Variants in CHAF1B observed in about 807,000 individuals in gnomAD.
CHAF1B encodes the protein CAF-1 subunit B.
A neutral mutation model predicts 60.7 loss-of-function variants in CHAF1B; 10 were observed. The observed-to-expected ratio is 0.16, with a 90% CI of 0.10 to 0.28. The LOEUF (loss-of-function observed/expected upper bound fraction) is 0.28, where lower values mean the gene tolerates loss of function less well. CHAF1B is among the 10% of genes least tolerant of loss of function. CHAF1B has a pLI of 1.00. For synonymous variants in CHAF1B, 261 were observed against 266.1 expected (o/e 0.98, Z 0.19); for missense variants, 558 against 708.4 (o/e 0.79, Z 2.41).
Position 36,416,613 on chromosome 21 carries a change from A to T in CHAF1B, c.*247A>T. 1 of 371,850 alleles carries T rather than the reference A, an allele frequency of 2.7e-6. No individual in the cohort carries two copies. Among genetic ancestry groups the T allele is most frequent in the Non-Finnish European group, 4.9e-6 (1 of 203,226 alleles). 23.0% of individuals were successfully genotyped at this position (371,850 alleles called of 1,614,324 possible). ...AATCCTCTTTTTGATGAGTTTCTGA[A>T]ACTGGAGCGGTTCAACGTTATCCAG... On this transcript the variant is annotated 3_prime_UTR_variant, in exon 14 of 14. Coordinates refer to ENST00000314103, the MANE Select transcript of CHAF1B (RefSeq NM_005441.3).
chr21:36,392,361 C>A (rs1333790315), intron 4 of CHAF1B, among the ~76,000 whole-genome samples: 2 of 152,266 alleles, frequency 1.3e-5, no homozygotes, highest in Non-Finnish European at 2.9e-5. Flanking sequence ...ATTTCTCTAT[C>A]TTTTCCCCAC....
At chr21:36,393,870 A>G (rs2146363387) in intron 4 of CHAF1B, among the ~76,000 whole-genome samples, 1 of 151,906 alleles carries the variant, frequency 6.6e-6, no homozygotes, top group East Asian at 1.9e-4. Flanking sequence ...ATTTTTGATA[A>G]CTTGTCCGTT....
intron 8 of CHAF1B, 119 bp from the exon 9 acceptor site, chr21:36,408,642 T>G: frequency 1.5e-6 from 1 of 676,648 alleles, no homozygotes; most frequent in East Asian, 2.7e-5. Flanking sequence ...GTCCAGAGAA[T>G]ATAACTGCAG....
At chr21:36,388,476 T>G (rs900318318) in intron 3 of CHAF1B, among the ~76,000 whole-genome samples, 184 of 150,606 alleles carry the variant, frequency 1.2e-3, no homozygotes, top group African/African-American at 4.3e-3. Flanking sequence ...GAGTTTTTTT[T>G]TTTTTTTTTT....
intron 8 of CHAF1B, among the ~76,000 whole-genome samples, chr21:36,407,741 G>A (rs1002334678): frequency 9.1e-4 from 138 of 152,240 alleles, no homozygotes; most frequent in African/African-American, 3.2e-3. Flanking sequence ...ACTTTGGGAG[G>A]CGGAGGAGGG....
intron 11 of CHAF1B, among the ~76,000 whole-genome samples, chr21:36,412,248 G>A (rs996651133): frequency 1.3e-5 from 2 of 152,166 alleles, no homozygotes; most frequent in East Asian, 3.9e-4. Context: ...GCATGCCCCT[G>A]CTGCCCAGGA....
At position 36,394,657 on chromosome 21, in the gene CHAF1B, GATAT is replaced by G; in HGVS notation, c.481+10_481+13del. 3 of 1,574,388 alleles carry G rather than the reference GATAT, an allele frequency of 1.9e-6. No homozygotes were observed. The highest frequency in any genetic ancestry group is 2.6e-6 in the Non-Finnish European group (3 of 1,151,966). On this transcript the variant is annotated splice_region_variant and intron_variant, in intron 5 of 13. Transcript: ENST00000314103. ...ATATGGGATGTCAGCAAAGGTAAAT[GATAT>G]ATTTTTGTTATTAGCAGGAAGAAAT... is the stretch of plus-strand genomic sequence containing the variant.
Position 36,386,246 on chromosome 21 carries a change from T to G in CHAF1B, c.110T>G (p.Val37Gly). ...GRIHRLASAG[V>G]DTNVRIWKVE... ...ATCCACAGACTGGCGTCTGCCGGCG[T>G]GGACACCAATGTCAGGGTAAACTGG... Residue 37 changes from valine to glycine, a missense_variant, in exon 2 of 14, where the codon GTG becomes GGG. By Grantham distance (109) the Val-to-Gly change is moderately radical. Around this residue, in one of 2 missense-constraint regions of CHAF1B, gnomAD observed 325 missense variants for 493.5 expected, o/e 0.66. Coordinates refer to ENST00000314103, the MANE Select transcript of CHAF1B (RefSeq NM_005441.3). The G allele has an allele frequency of 6.2e-7, 1 of 1,614,146 alleles. No homozygotes were observed. The highest frequency in any genetic ancestry group is 8.5e-7 in the Non-Finnish European group (1 of 1,179,990).
intron 8 of CHAF1B, among the ~76,000 whole-genome samples, chr21:36,406,347 G>A (rs1333028258): frequency 1.3e-5 from 2 of 152,158 alleles, no homozygotes; most frequent in African/African-American, 2.4e-5. Context: ...GAGCATTGGC[G>A]TGATCTTGGC....
At position 36,411,622 on chromosome 21, in the gene CHAF1B, A is replaced by G; in HGVS notation, c.1061+18A>G. On this transcript the variant is annotated intron_variant, in intron 11 of 13. Transcript: ENST00000314103. ...ATTTCATGGTGAGTGGCTGCTAATG[A>G]GGGAGAGTGAGTGAAGGAGACCGTG... The G allele has an allele frequency of 6.2e-7, 1 of 1,613,498 alleles. No homozygotes were observed. The highest frequency in any genetic ancestry group is 8.5e-7 in the Non-Finnish European group (1 of 1,179,612).
rs1427615624 is a variant in CHAF1B at position 36,408,776 on chromosome 21, C to G, written c.773C>G (p.Ser258Cys). Residue 258 changes from serine to cysteine, a missense_variant, in exon 9 of 14, where the codon TCT (serine) becomes TGT (cysteine). Transcript: ENST00000314103. ...TGTTCCCCAGCTGGATGTGTGGAAT[C>G]TGGTGAAAATGTAATGAATACCACT... The part of the protein sequence containing the change: ...LLLTPAGCVE[S>C]GENVMNTTYV... The G allele has an allele frequency of 6.2e-7, 1 of 1,609,198 alleles. No individual in the cohort carries two copies. Among genetic ancestry groups the G allele is most frequent in the South Asian group, 1.1e-5 (1 of 90,906 alleles).
At chr21:36,393,253 G>A (rs117773599) in intron 4 of CHAF1B, among the ~76,000 whole-genome samples, 1,665 of 151,424 alleles carry the variant, frequency 0.011, 13 homozygotes, top group Non-Finnish European at 0.018. Flanking sequence ...GAGAGGGAGA[G>A]GATTTTTAAA....
chr21:36,412,851 G>T, intron 11 of CHAF1B, 33 bp from the exon 12 acceptor site: 2 of 1,589,220 alleles, frequency 1.3e-6, no homozygotes, highest in South Asian at 2.3e-5. Context: ...GTGTTGGTAA[G>T]GTCTGTAACT....
intron 3 of CHAF1B, 40 bp downstream of exon 3, chr21:36,387,770 A>C (rs370357354): frequency 1.2e-6 from 2 of 1,603,488 alleles, no homozygotes; most frequent in Admixed American, 1.7e-5. Flanking sequence ...CGGGAACCAG[A>C]TAGATACCTG....
chr21:36,414,830 C>T (rs748529965), intron 12 of CHAF1B, among the ~76,000 whole-genome samples: 5 of 152,142 alleles, frequency 3.3e-5, no homozygotes, highest in Non-Finnish European at 5.9e-5. Flanking sequence ...TCAAGCTGGT[C>T]GAAAACTCCT....
At chr21:36,401,431 T>A (rs1311763445) in intron 7 of CHAF1B, among the ~76,000 whole-genome samples, 3 of 92,174 alleles carry the variant, frequency 3.3e-5, no homozygotes, top group African/African-American at 1.4e-4. Context: ...TAATATATAT[T>A]TTTATATTAT....
At chr21:36,393,626 G>C (rs560681279) in intron 4 of CHAF1B, among the ~76,000 whole-genome samples, 114 of 151,442 alleles carry the variant, frequency 7.5e-4, no homozygotes, top group Non-Finnish European at 1.3e-3. Context: ...TAATTTTTTT[G>C]TATTTTTAGT....
At chr21:36,411,218 AT>A (rs1452145177) in intron 10 of CHAF1B, among the ~76,000 whole-genome samples, 1 of 150,576 alleles carries the variant, frequency 6.6e-6, no homozygotes, top group East Asian at 2.0e-4. Context: ...GGTTCAAGCG[AT>A]TCTCCTGTCT....
At chr21:36,391,529 C>A in intron 3 of CHAF1B, 22 bp from the exon 4 acceptor site, 1 of 1,382,222 alleles carries the variant, frequency 7.2e-7, no homozygotes, top group Non-Finnish European at 1.0e-6. Context: ...GCGTGGATCA[C>A]TGTTACTGAA....
Sources: gnomAD v4.1 joint callset for allele counts (sites outside exome capture counted in the v4.1 genomes callset) on GRCh38, gnomAD v4.1.1 for gene constraint, gnomAD v4.1.1 regional missense constraint, MANE v1.5 for transcripts, NCBI Gene and HGNC (gene_info 2026-07-23, HGNC 2026-07-21) for gene names.